Variants in PARD3 observed in about 807,000 individuals in gnomAD.
The protein encoded by PARD3 is partitioning defective 3 homolog.
A neutral mutation model predicts 155.4 loss-of-function variants in PARD3; 75 were observed. The ratio of observed to expected loss-of-function variants is 0.48; its 90% CI spans 0.40 to 0.58. The LOEUF (loss-of-function observed/expected upper bound fraction) is 0.58, where lower values mean the gene tolerates loss of function less well. Ranked by LOEUF, PARD3 falls within the 20% of genes least tolerant of loss-of-function variation. The pLI, the probability that PARD3 is intolerant of heterozygous loss-of-function variation, is 0.00. For synonymous variants in PARD3, 576 were observed against 610.5 expected, an observed-to-expected ratio of 0.94 and a Z score of 0.83; for missense variants, 1,642 against 1,721.7, an observed-to-expected ratio of 0.95 and a Z score of 0.82.
At chr10:34,285,378 C>A (rs953424806) in intron 20 of PARD3, among the ~76,000 whole-genome samples, 3 of 152,044 alleles carry the variant, frequency 2.0e-5, no homozygotes, top group Admixed American at 2.0e-4. Flanking sequence ...GAGTTCAAGA[C>A]CAGCCTGGGC....
At chr10:34,292,171 G>T (rs1288581726) in intron 20 of PARD3, among the ~76,000 whole-genome samples, 2 of 152,146 alleles carry the variant, frequency 1.3e-5, no homozygotes, top group African/African-American at 4.8e-5. Flanking sequence ...CATTCAGAGG[G>T]TAAAATAACA....
chr10:34,658,348 G>A (rs1312606243), intron 2 of PARD3, among the ~76,000 whole-genome samples: 4 of 152,130 alleles, frequency 2.6e-5, no homozygotes, highest in Non-Finnish European at 4.4e-5. Context: ...ATAAGGTCAG[G>A]ATCGAGTAAG....
chr10:34,811,932 G>A (rs951546940), intron 1 of PARD3, among the ~76,000 whole-genome samples: 1 of 152,200 alleles, frequency 6.6e-6, no homozygotes, highest in African/African-American at 2.4e-5. Flanking sequence ...TGTCCTCAGC[G>A]AGGCTCCTAA....
chr10:34,205,404 G>A (rs533911790), intron 22 of PARD3, among the ~76,000 whole-genome samples: 25 of 152,068 alleles, frequency 1.6e-4, no homozygotes, highest in East Asian at 9.7e-4. Flanking sequence ...GTTTTCATGC[G>A]TTAGAAAACA....
chr10:34,462,911 G>T (rs1480370269), intron 4 of PARD3, among the ~76,000 whole-genome samples: 2 of 108,398 alleles, frequency 1.8e-5, no homozygotes, highest in Non-Finnish European at 3.8e-5. Flanking sequence ...AGGGGGAGAG[G>T]AGGGGAGAGG....
chr10:34,581,176 T>TG (rs1488629174), intron 2 of PARD3, among the ~76,000 whole-genome samples: 4 of 152,012 alleles, frequency 2.6e-5, no homozygotes, highest in African/African-American at 9.6e-5. Context: ...AATATTTATT[T>TG]GGGATTCTTG....
intron 1 of PARD3, among the ~76,000 whole-genome samples, chr10:34,760,319 G>T (rs1837291028): frequency 6.6e-6 from 1 of 151,982 alleles, no homozygotes; most frequent in Non-Finnish European, 1.5e-5. Flanking sequence ...ATTATGCCTG[G>T]TCCCAATCTA....
At chr10:34,416,526 G>A (rs2132366226) in intron 5 of PARD3, among the ~76,000 whole-genome samples, 1 of 152,296 alleles carries the variant, frequency 6.6e-6, no homozygotes, top group Non-Finnish European at 1.5e-5. Flanking sequence ...TCTTCATTAA[G>A]CACCTATCAG....
At chr10:34,169,882 C>A (rs990346330) in intron 22 of PARD3, among the ~76,000 whole-genome samples, 12 of 152,130 alleles carry the variant, frequency 7.9e-5, no homozygotes, top group African/African-American at 2.9e-4. Flanking sequence ...TTTTAGACAG[C>A]CTCCCCTGCC....
intron 22 of PARD3, among the ~76,000 whole-genome samples, chr10:34,196,520 A>C (rs1471902990): frequency 6.9e-6 from 1 of 145,622 alleles, no homozygotes; most frequent in African/African-American, 2.6e-5. Context: ...CTTGTTACTT[A>C]GTTTTGCCTG....
At chr10:34,589,185 A>G (rs1248360154) in intron 2 of PARD3, among the ~76,000 whole-genome samples, 1 of 152,234 alleles carries the variant, frequency 6.6e-6, no homozygotes, top group Non-Finnish European at 1.5e-5. Flanking sequence ...ATTTTGCTCT[A>G]TAAAAATCAA....
intron 1 of PARD3, among the ~76,000 whole-genome samples, chr10:34,705,519 TAAACTG>T (rs149628029): frequency 0.012 from 1,871 of 151,036 alleles, 37 homozygotes; most frequent in African/African-American, 0.044. Flanking sequence ...TCTTTTCCAA[TAAACTG>T]AAACATAGGA....
In PARD3 at chr10:34,689,410, T is replaced by C. The variant is rs904335578; in HGVS notation, c.222+6908A>G. Among the ~76,000 whole-genome samples the C allele has an allele frequency of 1.6e-4, 25 of 152,350 alleles. No individual in the cohort carries two copies. The East Asian group carries it at 4.4e-3, about 27-fold the overall frequency. ...TCATATTTCTTACAGTTTCAACTTA[T>C]AATGGGCACTTTAATCTAGGAATGT... On this transcript the variant is annotated intron_variant, in intron 2 of 24. Transcript: ENST00000374788.
intron 2 of PARD3, among the ~76,000 whole-genome samples, chr10:34,533,804 T>C (rs1448865698): frequency 6.6e-6 from 1 of 150,646 alleles, no homozygotes; most frequent in Non-Finnish European, 1.5e-5. Context: ...AGACTCCATC[T>C]AAAAAAACAA....
chr10:34,420,994 T>C (rs918319590), intron 5 of PARD3, among the ~76,000 whole-genome samples: 5 of 151,980 alleles, frequency 3.3e-5, no homozygotes, highest in Non-Finnish European at 7.4e-5. Flanking sequence ...CCAGGCAACA[T>C]TGCAAGGCCT....
intron 5 of PARD3, among the ~76,000 whole-genome samples, chr10:34,408,014 C>G (rs1003489669): frequency 1.4e-4 from 21 of 152,012 alleles, no homozygotes; most frequent in African/African-American, 5.1e-4. Flanking sequence ...CAGAGGAACA[C>G]TATAAAACTT....
intron 2 of PARD3, among the ~76,000 whole-genome samples, chr10:34,679,499 T>C (rs1275153279): frequency 6.6e-6 from 1 of 152,184 alleles, no homozygotes; most frequent in Admixed American, 6.5e-5. Flanking sequence ...CCTCGGAGTG[T>C]GACTATTTTG....
At chr10:34,691,965 G>A (rs2094070478) in intron 2 of PARD3, among the ~76,000 whole-genome samples, 1 of 152,218 alleles carries the variant, frequency 6.6e-6, no homozygotes, top group Admixed American at 6.5e-5. Context: ...GGGCATGGTG[G>A]CCCACGCCTG....
chr10:34,352,830 T>G (rs577872588), intron 14 of PARD3, among the ~76,000 whole-genome samples: 87 of 151,576 alleles, frequency 5.7e-4, no homozygotes, highest in African/African-American at 2.0e-3. Flanking sequence ...GACGAGCCCC[T>G]CTGCCCGGCT....
Sources: gnomAD v4.1 joint callset for allele counts (sites outside exome capture counted in the v4.1 genomes callset) on GRCh38, gnomAD v4.1.1 for gene constraint, MANE v1.5 for transcripts, NCBI Gene and HGNC (gene_info 2026-07-23, HGNC 2026-07-21) for gene names.